Variants in RAB6A observed in about 807,000 individuals in gnomAD.
RAB6A encodes ras-related protein Rab-6A.
Under a neutral mutation model 32.3 loss-of-function variants are expected in RAB6A, and 8 were observed. That is an observed-to-expected ratio of 0.25 (90% CI 0.15 to 0.45). RAB6A has a LOEUF of 0.45. Among genes scored for constraint, RAB6A ranks in the 20% least tolerant of loss-of-function variants. RAB6A has a pLI of 1.00. For missense variants in RAB6A, 104 were observed against 249.4 expected (o/e 0.42, Z 3.93); for synonymous variants, 73 against 82.1 (o/e 0.89, Z 0.60).
intron 6 of RAB6A, chr11:73,704,176 GT>G (rs1301703600): frequency 7.0e-6 from 3 of 430,794 alleles, no homozygotes; most frequent in Non-Finnish European, 1.4e-5. Flanking sequence ...GAGTCTAGGA[GT>G]TCAAGACTAG....
intron 1 of RAB6A, among the ~76,000 whole-genome samples, chr11:73,740,099 C>T (rs1946471190): frequency 6.6e-6 from 1 of 151,372 alleles, no homozygotes; most frequent in African/African-American, 2.4e-5. Flanking sequence ...CTCAATTAGT[C>T]TACAATCTAT....
At chr11:73,700,623 G>T (rs1360461722) in intron 6 of RAB6A, among the ~76,000 whole-genome samples, 3 of 90,476 alleles carry the variant, frequency 3.3e-5, no homozygotes, top group Admixed American at 1.2e-4. Flanking sequence ...GGGGGGGGGG[G>T]GAGGAGGGTA....
intron 6 of RAB6A, among the ~76,000 whole-genome samples, chr11:73,686,855 T>C (rs1268209932): frequency 6.6e-6 from 1 of 152,154 alleles, no homozygotes; most frequent in Non-Finnish European, 1.5e-5. Flanking sequence ...CCTTAACATA[T>C]GGTCCAGCAG....
At chr11:73,752,109 G>C (rs1946678061) in intron 1 of RAB6A, among the ~76,000 whole-genome samples, 1 of 152,186 alleles carries the variant, frequency 6.6e-6, no homozygotes, top group African/African-American at 2.4e-5. Context: ...AAAAAGTCAT[G>C]TATCTTATTA....
At position 73,716,263 on chromosome 11, in the gene RAB6A, A is replaced by C; in HGVS notation, c.389T>G (p.Leu130Arg). The C allele has an allele frequency of 3.7e-6, 6 of 1,605,912 alleles. No individual in the cohort carries two copies. Among genetic ancestry groups the C allele is most frequent in the Non-Finnish European group, 5.1e-6 (6 of 1,172,754 alleles). ...AATAACTCCATACCTCTTGTCAGCA[A>C]GATCTGTTTTATTTCCTACTAGCAT... is the stretch of plus-strand genomic sequence containing the variant. ...IIMLVGNKTD[L>R]ADKRQVSIEE... The change falls in exon 5 of 8, where the codon CTT (leucine) becomes CGT (arginine). Residue 130 changes from leucine (L) to arginine (R), a missense_variant. By Grantham distance (102) the Leu-to-Arg change is moderately radical. Coordinates refer to ENST00000336083, the MANE Select transcript of RAB6A (RefSeq NM_198896.2).
intron 6 of RAB6A, among the ~76,000 whole-genome samples, chr11:73,684,366 A>G (rs987559114): frequency 1.1e-4 from 17 of 152,046 alleles, no homozygotes; most frequent in African/African-American, 3.9e-4. Context: ...ACAGGGGTTC[A>G]TTGTACTGGC....
intron 5 of RAB6A, among the ~76,000 whole-genome samples, chr11:73,712,548 A>G (rs1475333878): frequency 1.3e-5 from 2 of 151,772 alleles, no homozygotes; most frequent in African/African-American, 2.4e-5. Flanking sequence ...ACGAGGTTTC[A>G]CTAGGTTGGC....
At chr11:73,698,721 A>G (rs1214010287) in intron 6 of RAB6A, among the ~76,000 whole-genome samples, 1 of 152,070 alleles carries the variant, frequency 6.6e-6, no homozygotes, top group Non-Finnish European at 1.5e-5. Flanking sequence ...TTCATGGCAT[A>G]GTATTTACAC....
intron 4 of RAB6A, among the ~76,000 whole-genome samples, chr11:73,717,949 AC>A (rs1360134192): frequency 7.0e-4 from 107 of 152,348 alleles, no homozygotes; most frequent in African/African-American, 2.5e-3. Context: ...ATTTACAATC[AC>A]TTAAAAGGCC....
chr11:73,678,759 C>A (rs1224580962), intron 7 of RAB6A, among the ~76,000 whole-genome samples: 5 of 149,206 alleles, frequency 3.4e-5, no homozygotes, highest in South Asian at 4.3e-4. Context: ...GAGTTTCGAT[C>A]CTGTTGCCCA....
chr11:73,755,588 C>G (rs530526444), intron 1 of RAB6A, among the ~76,000 whole-genome samples: 5 of 152,098 alleles, frequency 3.3e-5, no homozygotes, highest in African/African-American at 1.2e-4. Context: ...CCACCGCACC[C>G]GGCCTAAATG....
chr11:73,679,667 T>C lies in RAB6A; in HGVS notation c.549A>G (p.Arg183=), dbSNP rs944709430. The change falls in exon 7 of 8, where the codon AGA becomes AGG. Residue 183 remains arginine, a synonymous_variant. Transcript: ENST00000336083. The part of the protein sequence containing the change: ...ALPGMESTQD[R]SREDMIDIKL... ...TAAAAAGGATACTATCTTCTCTGCT[T>C]CTGTCCTGTGTGCTTTCCATTCCCG... 9 of 1,614,018 alleles carry C rather than the reference T, an allele frequency of 5.6e-6. No homozygotes were observed. The South Asian group carries it at 6.6e-5, about 12-fold the overall frequency.
At chr11:73,679,595 G>C in intron 7 of RAB6A, 59 bp downstream of exon 7, 1 of 1,587,882 alleles carries the variant, frequency 6.3e-7, no homozygotes, top group South Asian at 1.1e-5. Context: ...AGCCAAGCAA[G>C]CAGGGCTCTA....
intron 6 of RAB6A, among the ~76,000 whole-genome samples, chr11:73,697,502 C>A (rs1056258367): frequency 7.9e-5 from 12 of 151,872 alleles, no homozygotes; most frequent in Non-Finnish European, 1.8e-4. Flanking sequence ...TGAGCACCAC[C>A]ACACTCGGCT....
intron 6 of RAB6A, among the ~76,000 whole-genome samples, chr11:73,700,273 C>G (rs1161761648): frequency 6.6e-6 from 1 of 152,146 alleles, no homozygotes; most frequent in African/African-American, 2.4e-5. Context: ...CACCATACCA[C>G]TTTCAAAAAC....
intron 1 of RAB6A, among the ~76,000 whole-genome samples, chr11:73,747,317 T>G (rs1437785695): frequency 6.6e-6 from 1 of 151,970 alleles, no homozygotes; most frequent in Admixed American, 6.6e-5. Context: ...GCAATTCTCC[T>G]GCCTCAGCCT....
intron 6 of RAB6A, among the ~76,000 whole-genome samples, chr11:73,701,133 A>T (rs766988673): frequency 4.6e-5 from 7 of 152,232 alleles, no homozygotes; most frequent in Non-Finnish European, 1.0e-4. Context: ...AGATTAGCAG[A>T]AAGCTAGGAA....
Position 73,677,822 on chromosome 11 carries a change from T to G in RAB6A, c.*76A>C. Reference sequence around the variant, plus strand: ...GAAGGGAAAAGGTTCAAGCCAATATTCACACTGCAGTCAATGAAAGAGTAA... The same window carrying G: ...GAAGGGAAAAGGTTCAAGCCAATATGCACACTGCAGTCAATGAAAGAGTAA... On this transcript the variant is annotated 3_prime_UTR_variant, in exon 8 of 8. Transcript: ENST00000336083. 1 of 1,607,720 alleles carries G rather than the reference T, an allele frequency of 6.2e-7. No homozygotes were observed. Among genetic ancestry groups the G allele is most frequent in the Admixed American group, 1.7e-5 (1 of 59,940 alleles).
intron 6 of RAB6A, among the ~76,000 whole-genome samples, chr11:73,681,731 C>T (rs1250263880): frequency 1.3e-5 from 2 of 152,190 alleles, no homozygotes; most frequent in Non-Finnish European, 2.9e-5. Flanking sequence ...ATCGCTTGAA[C>T]CCAGGAGCCG....
Sources: allele counts gnomAD v4.1 joint callset (sites outside exome capture counted in the v4.1 genomes callset), GRCh38; gene constraint gnomAD v4.1.1; transcripts MANE v1.5; gene names NCBI Gene and HGNC (gene_info 2026-07-23, HGNC 2026-07-21).